The following SCRN3 variants were observed in gnomAD, a reference collection of about 807,000 sequenced individuals.
The protein encoded by SCRN3 is secernin-3.
Under a neutral mutation model 43.1 loss-of-function variants are expected in SCRN3, and 39 were observed. That is an observed-to-expected ratio of 0.91 (90% CI 0.70 to 1.18). The LOEUF is 1.18. SCRN3 is among the 50% of genes most tolerant of loss of function. The pLI is 0.00. For synonymous variants in SCRN3, 147 were observed against 163.1 expected, an observed-to-expected ratio of 0.90 and a Z score of 0.75; for missense variants, 484 against 498.0, an observed-to-expected ratio of 0.97 and a Z score of 0.27.
chr2:174,423,990 A>T (rs994844774), intron 6 of SCRN3, among the ~76,000 whole-genome samples: 1 of 151,290 alleles, frequency 6.6e-6, no homozygotes, highest in Non-Finnish European at 1.5e-5. Flanking sequence ...GGTTCTGGCT[A>T]TGTTGCCCAA....
chr2:174,400,895 T>C, intron 3 of SCRN3, 95 bp from the exon 4 acceptor site: 1 of 1,074,648 alleles, frequency 9.3e-7, no homozygotes, highest in Non-Finnish European at 1.3e-6. Context: ...GGAAGAAATT[T>C]TACTTTGAAT....
rs368010899 is a variant in SCRN3, at chr2:174,400,065, T to A, written c.303T>A (p.Val101=). The change falls in exon 3 of 8, where the codon GTT becomes GTA. Residue 101 remains valine (V), a synonymous_variant. Transcript: ENST00000272732. ...AAGCTGTATGGGGAAGAGAAGAAGT[T>A]TGTGATGAAGAAGCACTATTAGGAA... ...GNEAVWGREE[V]CDEEALLGMD... is the part of the protein sequence containing the mutation. The A allele has an allele frequency of 3.2e-5, 51 of 1,592,206 alleles. 1 individual carries two copies. In the African/African-American group the frequency reaches 6.4e-4, roughly 20 times the overall value.
At chr2:174,405,692 CA>C (rs1211934215) in intron 5 of SCRN3, among the ~76,000 whole-genome samples, 195 of 148,234 alleles carry the variant, frequency 1.3e-3, no homozygotes, top group African/African-American at 4.4e-3. Context: ...CCAGTTTTCC[CA>C]GCACCATTTA....
chr2:174,421,639 A>G (rs1686297620), intron 5 of SCRN3, among the ~76,000 whole-genome samples: 1 of 152,112 alleles, frequency 6.6e-6, no homozygotes, highest in East Asian at 1.9e-4. Context: ...TACTTCTCCA[A>G]CTTCTCTTCC....
At position 174,404,326 on chromosome 2, in the gene SCRN3, C is replaced by T; in HGVS notation, c.754+11C>T. 1.3e-6 allele frequency: 2 copies of T among 1,576,590 alleles called. No homozygotes were observed. Among genetic ancestry groups the T allele is most frequent in the South Asian group, 1.1e-5 (1 of 89,342 alleles). ...TAAATAAGCACAAAGGTAATTTTAT[C>T]ATATAAATAATATTAGGATGACAAA... On this transcript the variant is annotated intron_variant, in intron 5 of 7. Transcript: ENST00000272732.
At chr2:174,402,858 A>G (rs569861804) in intron 4 of SCRN3, among the ~76,000 whole-genome samples, 2 of 152,162 alleles carry the variant, frequency 1.3e-5, no homozygotes, top group Non-Finnish European at 2.9e-5. Flanking sequence ...GCTGTTTTTA[A>G]AACATTATCG....
intron 5 of SCRN3, among the ~76,000 whole-genome samples, chr2:174,421,295 G>A (rs1574669531): frequency 2.6e-5 from 4 of 152,110 alleles, no homozygotes; most frequent in South Asian, 2.1e-4. Flanking sequence ...AAATGCTAAC[G>A]GGCATTCTTC....
chr2:174,415,488 A>G (rs909912224), intron 5 of SCRN3, among the ~76,000 whole-genome samples: 2 of 152,226 alleles, frequency 1.3e-5, no homozygotes, highest in Non-Finnish European at 2.9e-5. Context: ...CTCTTAAAAA[A>G]TAACTTCCAA....
In SCRN3 at chr2:174,395,795, A is replaced by C; in HGVS notation, c.-32A>C. The C allele has an allele frequency of 6.4e-7, 1 of 1,552,872 alleles. No homozygotes were observed. Among genetic ancestry groups the C allele is most frequent in the Non-Finnish European group, 8.7e-7 (1 of 1,147,420 alleles). The stretch of plus-strand genomic sequence containing the variant: ...CCACTCCTCCCTCCGTCCACCTGTC[A>C]CTTCGGGTAGCTGGGAGGCCAGGTG... On this transcript the variant is annotated 5_prime_UTR_variant, in exon 1 of 8. Coordinates refer to ENST00000272732, the MANE Select transcript of SCRN3 (RefSeq NM_024583.5).
In SCRN3 at chr2:174,422,926, A is replaced by G; in HGVS notation, c.796A>G (p.Lys266Glu). 6.2e-7 allele frequency: 1 copy of G among 1,611,134 alleles called. No homozygotes were observed. The highest frequency in any genetic ancestry group is 8.5e-7 in the Non-Finnish European group (1 of 1,177,454). Residue 266 changes from lysine (K) to glutamate (E), a missense_variant, in exon 6 of 8, where the codon AAA becomes GAA. Physicochemically the swap from Lys to Glu is moderately conservative, Grantham distance 56 (BLOSUM62 1). Coordinates refer to ENST00000272732, the MANE Select transcript of SCRN3 (RefSeq NM_024583.5). ...AACAATGATGGAAATTCTTCGAGAT[A>G]AACCAAGTGGCATTAATATGGAGGG... ...FETMMEILRD[K>E]PSGINMEGEF...
At chr2:174,398,866 T>A (rs1395481724) in intron 2 of SCRN3, among the ~76,000 whole-genome samples, 1 of 152,196 alleles carries the variant, frequency 6.6e-6, no homozygotes, top group Non-Finnish European at 1.5e-5. Context: ...TAATTCAGCT[T>A]GGAGTTAGCT....
Position 174,395,799 on chromosome 2 carries a change from CGGGTAGCT to C in SCRN3, c.-24_-17del, listed in dbSNP as rs771845957. ...TCCTCCCTCCGTCCACCTGTCACTT[CGGGTAGCT>C]GGGAGGCCAGGTGAGGGGCGCGCAC... On this transcript the variant is annotated 5_prime_UTR_variant, in exon 1 of 8. An upstream open reading frame in the 5' UTR gains an earlier in-frame stop. Coordinates refer to ENST00000272732, the MANE Select transcript of SCRN3 (RefSeq NM_024583.5). The C allele has an allele frequency of 1.3e-6, 2 of 1,548,896 alleles. No homozygotes were observed. Among genetic ancestry groups the C allele is most frequent in the East Asian group, 2.3e-5 (1 of 43,386 alleles).
intron 4 of SCRN3, among the ~76,000 whole-genome samples, chr2:174,403,621 A>G (rs1685581477): frequency 6.6e-6 from 1 of 152,216 alleles, no homozygotes; most frequent in Admixed American, 6.5e-5. Flanking sequence ...ATATTATTCC[A>G]TTTATATAAC....
chr2:174,427,798 A>C lies in SCRN3; in HGVS notation c.1178A>C (p.His393Pro). 3.7e-6 allele frequency: 6 copies of C among 1,611,794 alleles called. No individual in the cohort carries two copies. The highest frequency in any genetic ancestry group is 5.1e-6 in the Non-Finnish European group (6 of 1,178,090). ...ATGGAATCAATCCTTCAAAACAAGC[A>C]TCTTGATGTGGAGAAAATTGTTAAT... is the stretch of plus-strand genomic sequence containing the variant. ...REMESILQNKHLDVEKIVNLF... is the reference protein window; with the variant it reads ...REMESILQNKPLDVEKIVNLF... Residue 393 changes from histidine to proline, a missense_variant, in exon 8 of 8, where the codon CAT (histidine) becomes CCT (proline). His to Pro is a moderately conservative substitution (Grantham distance 77, BLOSUM62 -2). Transcript: ENST00000272732.
chr2:174,413,921 A>T lies in SCRN3; in HGVS notation c.755-8964A>T, dbSNP rs532285817. On this transcript the variant is annotated intron_variant, in intron 5 of 7. Transcript: ENST00000272732. ...CCTCACTTCCTACTGCTTGTGGTTG[A>T]GGTCTGGTTCTTCAGGCCAGAAAGA... Among the ~76,000 whole-genome samples the T allele has an allele frequency of 1.4e-4, 22 of 152,014 alleles. No homozygotes were observed. The South Asian group carries it at 3.7e-3, about 26-fold the overall frequency.
chr2:174,395,918 A>G (rs1395789408), intron 1 of SCRN3, 101 bp downstream of exon 1: 3 of 1,416,638 alleles, frequency 2.1e-6, no homozygotes, highest in Non-Finnish European at 2.8e-6. Flanking sequence ...TCCGGAGCCC[A>G]GCTGCACCGG....
rs540308333 is a variant in SCRN3, at chr2:174,396,488, A to G, written c.-10+671A>G. Among the ~76,000 whole-genome samples, 4 of 152,256 alleles carry G rather than the reference A, an allele frequency of 2.6e-5. No homozygotes were observed. The East Asian group carries it at 7.7e-4, about 29-fold the overall frequency. On this transcript the variant is annotated intron_variant, in intron 1 of 7. Coordinates refer to ENST00000272732, the MANE Select transcript of SCRN3 (RefSeq NM_024583.5). ...AGGTGATCCACCAACCAAGTTCTCT[A>G]TCAGGGTAATGTTAAGAATAAACCT...
At chr2:174,424,797 T>G (rs562746227) in intron 7 of SCRN3, 148 bp downstream of exon 7, 90 of 565,724 alleles carry the variant, frequency 1.6e-4, no homozygotes, top group African/African-American at 1.6e-3. Flanking sequence ...TAGAGCTGTA[T>G]TATTTTTATC....
chr2:174,399,229 C>T (rs987389648), intron 2 of SCRN3, among the ~76,000 whole-genome samples: 13 of 151,976 alleles, frequency 8.6e-5, no homozygotes, highest in Admixed American at 2.0e-4. Flanking sequence ...TATCCTATGC[C>T]ATATTTTTTT....
Sources: allele counts gnomAD v4.1 joint callset (sites outside exome capture counted in the v4.1 genomes callset), GRCh38; gene constraint gnomAD v4.1.1; transcripts MANE v1.5; gene names NCBI Gene and HGNC (gene_info 2026-07-23, HGNC 2026-07-21).